ANKRD17: variants seen among roughly 807,000 people sequenced by gnomAD.
ANKRD17 encodes ankyrin repeat domain 17, also known as ankyrin repeat domain-containing protein 17.
A neutral mutation model predicts 229.7 loss-of-function variants in ANKRD17; 19 were observed. The ratio of observed to expected loss-of-function variants is 0.08; its 90% CI spans 0.06 to 0.12. The LOEUF (loss-of-function observed/expected upper bound fraction) is 0.12. Ranked by LOEUF, ANKRD17 falls within the 10% of genes least tolerant of loss-of-function variation. ANKRD17 has a pLI of 1.00. For synonymous variants in ANKRD17, 1,112 were observed against 1,146.1 expected, an observed-to-expected ratio of 0.97 and a Z score of 0.60; for missense variants, 2,176 against 3,176.8, an observed-to-expected ratio of 0.68 and a Z score of 7.57.
At chr4:73,081,857 G>C (rs953246670) in intron 30 of ANKRD17, among the ~76,000 whole-genome samples, 2 of 152,184 alleles carry the variant, frequency 1.3e-5, no homozygotes, top group African/African-American at 4.8e-5. Flanking sequence ...AATTCAAAAA[G>C]TGGGGCCACT....
At chr4:73,142,133 G>C in intron 13 of ANKRD17, 109 bp downstream of exon 13, 1 of 1,134,068 alleles carries the variant, frequency 8.8e-7, no homozygotes, top group South Asian at 1.9e-5. Flanking sequence ...TTTACAAACA[G>C]AACTACATAT....
At chr4:73,136,783 T>C (rs1031064852) in intron 15 of ANKRD17, among the ~76,000 whole-genome samples, 1 of 152,084 alleles carries the variant, frequency 6.6e-6, no homozygotes, top group African/African-American at 2.4e-5. Context: ...TCTCCTTTGA[T>C]TGGATTTTCA....
chr4:73,073,868 G>C lies in ANKRD17; in HGVS notation c.*2363C>G, dbSNP rs908636335. On this transcript the variant is annotated 3_prime_UTR_variant, in exon 34 of 34. Coordinates refer to ENST00000358602, the MANE Select transcript of ANKRD17 (RefSeq NM_032217.5). The stretch of plus-strand genomic sequence containing the variant: ...GGATTTAAGGTGTGAACTAACCCAA[G>C]TGTAATGTCCAAGAGTTAAATCATT... The C allele has an allele frequency of 1.3e-5, 2 of 152,000 alleles. No homozygotes were observed. The highest frequency in any genetic ancestry group is 4.8e-5 in the African/African-American group (2 of 41,436). 9.4% of individuals were successfully genotyped at this position (152,000 alleles called of 1,614,324 possible).
intron 1 of ANKRD17, among the ~76,000 whole-genome samples, chr4:73,233,780 C>A (rs1743274606): frequency 6.6e-6 from 1 of 152,166 alleles, no homozygotes; most frequent in Non-Finnish European, 1.5e-5. Flanking sequence ...AAACATAGGT[C>A]AAAATCTATT....
At chr4:73,126,601 T>A (rs927414802) in intron 16 of ANKRD17, among the ~76,000 whole-genome samples, 1 of 152,194 alleles carries the variant, frequency 6.6e-6, no homozygotes, top group African/African-American at 2.4e-5. Flanking sequence ...GACATGACAC[T>A]ATCTACATAT....
chr4:73,112,464 T>C lies in ANKRD17; in HGVS notation c.4401+1328A>G, dbSNP rs559294657. ...GTCATTATATCTCTTAATGCACTCA[T>C]ATTCTTTTAACATTTTTAAATGGCC... On this transcript the variant is annotated intron_variant, in intron 24 of 33. Coordinates refer to ENST00000358602, the MANE Select transcript of ANKRD17 (RefSeq NM_032217.5). 67 of 169,058 alleles carry C rather than the reference T, an allele frequency of 4.0e-4. 1 individual carries two copies. The South Asian group carries it at 0.013, about 32-fold the overall frequency. The allele number at this position is 169,058 out of a possible 1,614,324, so 10.5% of individuals were successfully genotyped here.
At chr4:73,232,455 A>G (rs1743135086) in intron 1 of ANKRD17, among the ~76,000 whole-genome samples, 1 of 149,484 alleles carries the variant, frequency 6.7e-6, no homozygotes, top group Non-Finnish European at 1.5e-5. Flanking sequence ...TTGTTTTTTA[A>G]AAAGAGTTTC....
chr4:73,142,452 G>C (rs1729731922), intron 12 of ANKRD17, 67 bp from the exon 13 acceptor site: 7 of 1,575,586 alleles, frequency 4.4e-6, no homozygotes, highest in Non-Finnish European at 4.3e-6. Context: ...GAATCACTTA[G>C]GAAGATAAAG....
intron 1 of ANKRD17, among the ~76,000 whole-genome samples, chr4:73,211,591 A>C (rs1740267099): frequency 6.6e-6 from 1 of 152,184 alleles, no homozygotes; most frequent in African/African-American, 2.4e-5. Context: ...TCATGCCTGT[A>C]ATCTCAGCAC....
intron 2 of ANKRD17, among the ~76,000 whole-genome samples, chr4:73,163,361 G>A (rs1159226042): frequency 1.3e-5 from 2 of 152,180 alleles, no homozygotes; most frequent in Non-Finnish European, 2.9e-5. Context: ...CCACTGAATA[G>A]AAGCACTGCT....
In ANKRD17 at chr4:73,229,075, T is replaced by C. The variant is rs558050231; in HGVS notation, c.393+29201A>G. 1.9e-3 allele frequency among the ~76,000 whole-genome samples: 292 copies of C among 152,168 alleles called. 2 individuals carry two copies. The highest frequency in any genetic ancestry group is 6.7e-3 in the African/African-American group (278 of 41,486). On this transcript the variant is annotated intron_variant, in intron 1 of 33. Transcript: ENST00000358602. ...GCATGTTCTCACTCATAGGTGGGAA[T>C]TGAACAATGAGAACACTTGGACACA...
At chr4:73,150,833 C>A (rs1730912429) in intron 7 of ANKRD17, among the ~76,000 whole-genome samples, 1 of 152,014 alleles carries the variant, frequency 6.6e-6, no homozygotes. Context: ...ATGAGCCATT[C>A]CCGAATACAA....
intron 1 of ANKRD17, among the ~76,000 whole-genome samples, chr4:73,205,579 C>G (rs1739335395): frequency 6.6e-6 from 1 of 152,066 alleles, no homozygotes; most frequent in Non-Finnish European, 1.5e-5. Context: ...ACAACAAATA[C>G]AAAACTCAAC....
chr4:73,098,348 T>C lies in ANKRD17; in HGVS notation c.4746A>G (p.Gln1582=). Reference sequence around the variant, plus strand: ...TTGGTAGTGGATCATCAAATATAATTTGAACGTTTTCTGGAGTAATTTTAT... The same window carrying C: ...TTGGTAGTGGATCATCAAATATAATCTGAACGTTTTCTGGAGTAATTTTAT... ...RKNKITPENV[Q]IIFDDPLPIS... is the part of the protein sequence containing the mutation. The change falls in exon 26 of 34, where the codon CAA becomes CAG. Residue 1582 remains glutamine (Q), a synonymous_variant. Coordinates refer to ENST00000358602, the MANE Select transcript of ANKRD17 (RefSeq NM_032217.5). 1 of 1,614,234 alleles carries C rather than the reference T, an allele frequency of 6.2e-7. No homozygotes were observed. The highest frequency in any genetic ancestry group is 1.1e-5 in the South Asian group (1 of 91,086).
chr4:73,099,203 T>G, intron 25 of ANKRD17: 1 of 629,172 alleles, frequency 1.6e-6, no homozygotes, highest in South Asian at 1.5e-5. Flanking sequence ...ACTGGACAGC[T>G]TTTGCTCCGC....
intron 18 of ANKRD17, 36 bp from the exon 19 acceptor site, chr4:73,121,795 G>A (rs1726766471): frequency 6.4e-7 from 1 of 1,551,064 alleles, no homozygotes; most frequent in Non-Finnish European, 8.7e-7. Flanking sequence ...GTTTTCTTAT[G>A]GAGAGACAAA....
intron 22 of ANKRD17, among the ~76,000 whole-genome samples, chr4:73,117,720 A>AT (rs1726143894): frequency 6.6e-6 from 1 of 152,202 alleles, no homozygotes; most frequent in African/African-American, 2.4e-5. Context: ...TTTTATCTAC[A>AT]TATCTCCAAA....
In ANKRD17 at chr4:73,258,605, C is replaced by G; in HGVS notation, c.64G>C (p.Ala22Pro). 3 of 1,477,318 alleles carry G rather than the reference C, an allele frequency of 2.0e-6. No homozygotes were observed. The highest frequency in any genetic ancestry group is 2.7e-6 in the Non-Finnish European group (3 of 1,124,444). The allele number at this position is 1,477,318 out of a possible 1,614,324, so 91.5% of individuals were successfully genotyped here. ...TAAEGEGSPP[A>P]VAAVAGPPAA... The stretch of plus-strand genomic sequence containing the variant: ...GGGGGGCCCGCCACAGCCGCCACCG[C>G]CGGGGGGCTCCCTTCTCCTTCTGCA... Residue 22 changes from alanine (A) to proline (P), a missense_variant, in exon 1 of 34, where the codon GCG becomes CCG. By Grantham distance (27) the Ala-to-Pro change is conservative. Around this residue, in one of 18 missense-constraint regions of ANKRD17, gnomAD observed 196 missense variants for 190.0 expected, o/e 1.03. Transcript: ENST00000358602.
intron 3 of ANKRD17, 25 bp from the exon 4 acceptor site, chr4:73,156,191 A>T (rs748184576): frequency 8.9e-6 from 14 of 1,564,432 alleles, no homozygotes; most frequent in Non-Finnish European, 1.1e-5. Flanking sequence ...ATATCACAAT[A>T]CCAGAATATA....
Sources: gnomAD v4.1 joint callset for allele counts (sites outside exome capture counted in the v4.1 genomes callset) on GRCh38, gnomAD v4.1.1 for gene constraint, gnomAD v4.1.1 regional missense constraint, MANE v1.5 for transcripts, NCBI Gene and HGNC (gene_info 2026-07-23, HGNC 2026-07-21) for gene names.